CDH13: variants seen among roughly 807,000 people sequenced by gnomAD.
CDH13 encodes the protein cadherin-13.
A neutral mutation model predicts 63.8 loss-of-function variants in CDH13; 24 were observed. That is an observed-to-expected ratio of 0.38 (90% CI 0.27 to 0.53). The LOEUF (loss-of-function observed/expected upper bound fraction) is 0.53. CDH13 is among the 20% of genes least tolerant of loss of function. The pLI is 0.85. For synonymous variants in CDH13, 503 were observed against 355.3 expected (o/e 1.42, Z -4.67); for missense variants, 1,049 against 903.1 (o/e 1.16, Z -2.07).
intron 1 of CDH13, among the ~76,000 whole-genome samples, chr16:82,666,124 C>T (rs534086074): frequency 8.5e-5 from 13 of 152,114 alleles, no homozygotes; most frequent in Non-Finnish European, 1.5e-4. Flanking sequence ...CTGCCTATAA[C>T]GATCTCACGT....
chr16:82,984,649 T>C (rs1662399645), intron 2 of CDH13, among the ~76,000 whole-genome samples: 1 of 152,224 alleles, frequency 6.6e-6, no homozygotes, highest in African/African-American at 2.4e-5. Context: ...GGTTCAGCTA[T>C]GATTCCCGCT....
chr16:82,995,537 A>G (rs1912109418), intron 2 of CDH13, among the ~76,000 whole-genome samples: 1 of 152,182 alleles, frequency 6.6e-6, no homozygotes, highest in South Asian at 2.1e-4. Context: ...CATCCCCAAT[A>G]CCATCAAGCC....
chr16:83,505,706 G>A (rs2074380858), intron 7 of CDH13, among the ~76,000 whole-genome samples: 1 of 151,908 alleles, frequency 6.6e-6, no homozygotes, highest in Admixed American at 6.6e-5. Context: ...TCCACGCCCG[G>A]CTAATTTTTT....
At chr16:82,657,600 C>A (rs892182529) in intron 1 of CDH13, among the ~76,000 whole-genome samples, 1 of 152,122 alleles carries the variant, frequency 6.6e-6, no homozygotes, top group Non-Finnish European at 1.5e-5. Flanking sequence ...AGAAAGCAAA[C>A]CTTGGAGAAA....
At chr16:83,014,743 A>AAAAATATATAT (rs1429094653) in intron 2 of CDH13, among the ~76,000 whole-genome samples, 2 of 33,224 alleles carry the variant, frequency 6.0e-5, no homozygotes, top group African/African-American at 2.5e-4. Flanking sequence ...AAAAAAAAAA[A>AAAAATATATAT]ATATATATAT....
intron 5 of CDH13, among the ~76,000 whole-genome samples, chr16:83,318,673 C>T (rs924780189): frequency 6.6e-6 from 1 of 152,144 alleles, no homozygotes; most frequent in African/African-American, 2.4e-5. Context: ...CTCCTGTGGC[C>T]TACGGAAATC....
intron 11 of CDH13, among the ~76,000 whole-genome samples, chr16:83,752,277 T>C (rs1453852169): frequency 6.6e-6 from 1 of 152,236 alleles, no homozygotes; most frequent in Non-Finnish European, 1.5e-5. Context: ...AAATGCGGTA[T>C]ACTTGAATTG....
chr16:83,569,027 T>G (rs1260421212), intron 7 of CDH13, among the ~76,000 whole-genome samples: 1 of 152,058 alleles, frequency 6.6e-6, no homozygotes, highest in Non-Finnish European at 1.5e-5. Flanking sequence ...CAATTCCACA[T>G]TCCTTATAAT....
chr16:82,860,411 G>C (rs150320983), intron 2 of CDH13, among the ~76,000 whole-genome samples: 2 of 147,124 alleles, frequency 1.4e-5, no homozygotes, highest in African/African-American at 5.0e-5. Flanking sequence ...GGCGGTGTGC[G>C]TGTGTGCTTT....
In CDH13 at chr16:83,648,967, A is replaced by G. The variant is rs993259926; in HGVS notation, c.1102-21823A>G. On this transcript the variant is annotated intron_variant, in intron 8 of 13. Coordinates refer to ENST00000567109, the MANE Select transcript of CDH13 (RefSeq NM_001257.5). ...CCGCAACACACATACACCACCTACT[A>G]TGCTATCTGGCAATTCCCACTGGGG... 2.6e-5 allele frequency among the ~76,000 whole-genome samples: 4 copies of G among 152,278 alleles called. No homozygotes were observed. In the East Asian group the frequency reaches 5.8e-4, roughly 22 times the overall value.
chr16:83,788,022 C>G (rs1020306514), intron 13 of CDH13, among the ~76,000 whole-genome samples: 1 of 152,176 alleles, frequency 6.6e-6, no homozygotes, highest in Admixed American at 6.5e-5. Flanking sequence ...TATGTGATTG[C>G]AAAGAGATAA....
intron 8 of CDH13, among the ~76,000 whole-genome samples, chr16:83,662,551 C>A (rs559029022): frequency 2.6e-5 from 4 of 152,088 alleles, no homozygotes; most frequent in African/African-American, 9.7e-5. Context: ...GGGGTGGCTG[C>A]GGAGATGAAC....
intron 6 of CDH13, among the ~76,000 whole-genome samples, chr16:83,460,255 C>T (rs1048449364): frequency 1.3e-5 from 2 of 152,168 alleles, no homozygotes; most frequent in Non-Finnish European, 2.9e-5. Flanking sequence ...CAAGCTTTGG[C>T]AATAACAGGA....
At position 83,575,315 on chromosome 16, in the gene CDH13, A is replaced by G. The variant is rs375422782; in HGVS notation, c.961-27139A>G. Reference sequence around the variant, plus strand: ...AGGTGGATTGTGCACTATGTGAATTATATCTCAGAAAGCTGTTACAAAAAC... The same window carrying G: ...AGGTGGATTGTGCACTATGTGAATTGTATCTCAGAAAGCTGTTACAAAAAC... On this transcript the variant is annotated intron_variant, in intron 7 of 13. Transcript: ENST00000567109. Among the ~76,000 whole-genome samples, 139 of 152,388 alleles carry G rather than the reference A, an allele frequency of 9.1e-4. 1 individual carries two copies. Among genetic ancestry groups the G allele is most frequent in the South Asian group, 8.9e-3 (43 of 4,830 alleles).
At chr16:83,005,995 A>G (rs762733471) in intron 2 of CDH13, among the ~76,000 whole-genome samples, 18 of 152,210 alleles carry the variant, frequency 1.2e-4, no homozygotes, top group Non-Finnish European at 2.5e-4. Flanking sequence ...TATGTCATTG[A>G]CAATAGAATT....
intron 5 of CDH13, among the ~76,000 whole-genome samples, chr16:83,230,203 C>G (rs967049121): frequency 6.6e-6 from 1 of 152,178 alleles, no homozygotes; most frequent in Non-Finnish European, 1.5e-5. Context: ...ATCATGAACT[C>G]CACCAAAGTC....
At chr16:82,893,059 G>C (rs909416610) in intron 2 of CDH13, among the ~76,000 whole-genome samples, 2 of 152,204 alleles carry the variant, frequency 1.3e-5, no homozygotes, top group Non-Finnish European at 2.9e-5. Context: ...GATGAGGTCA[G>C]ACATCAAAGT....
intron 1 of CDH13, among the ~76,000 whole-genome samples, chr16:82,670,872 C>T (rs1012348971): frequency 2.0e-5 from 3 of 152,208 alleles, no homozygotes; most frequent in Admixed American, 1.3e-4. Context: ...ATAAACAAAA[C>T]ATTTTTCCCA....
chr16:82,898,920 A>G (rs2041362913), intron 2 of CDH13, among the ~76,000 whole-genome samples: 1 of 152,268 alleles, frequency 6.6e-6, no homozygotes, highest in Non-Finnish European at 1.5e-5. Context: ...AACTTCACTC[A>G]GTATGTAGAT....
Sources: gnomAD v4.1 joint callset for allele counts (sites outside exome capture counted in the v4.1 genomes callset) on GRCh38, gnomAD v4.1.1 for gene constraint, MANE v1.5 for transcripts, NCBI Gene and HGNC (gene_info 2026-07-23, HGNC 2026-07-21) for gene names.